Variants in PRKCB observed in about 807,000 individuals in gnomAD.
PRKCB encodes protein kinase C beta.
Under a neutral mutation model 81.5 loss-of-function variants are expected in PRKCB, and 13 were observed. The ratio of observed to expected loss-of-function variants is 0.16; its 90% CI spans 0.10 to 0.25. The LOEUF (loss-of-function observed/expected upper bound fraction) is 0.25. Ranked by LOEUF, PRKCB falls within the 10% of genes least tolerant of loss-of-function variation. The probability of loss-of-function intolerance (pLI) is 1.00; values close to 1 mark genes in which losing one functional copy is unlikely to be tolerated. For missense variants in PRKCB, 509 were observed against 875.7 expected, an observed-to-expected ratio of 0.58 and a Z score of 5.29; for synonymous variants, 335 against 321.4, an observed-to-expected ratio of 1.04 and a Z score of -0.45.
chr16:24,212,461 C>CTTTTTTT (rs975667798), intron 16 of PRKCB, among the ~76,000 whole-genome samples: 8 of 78,060 alleles, frequency 1.0e-4, no homozygotes, highest in East Asian at 4.5e-4. Flanking sequence ...CTTTTTTTTC[C>CTTTTTTT]TTTTTTTTTT....
At chr16:24,142,882 C>T (rs1966923478) in intron 9 of PRKCB, among the ~76,000 whole-genome samples, 1 of 151,936 alleles carries the variant, frequency 6.6e-6, no homozygotes, top group Non-Finnish European at 1.5e-5. Context: ...AACAGATCAG[C>T]ACCCTGACCC....
chr16:23,967,010 C>G (rs931502213), intron 2 of PRKCB, among the ~76,000 whole-genome samples: 8 of 121,376 alleles, frequency 6.6e-5, no homozygotes, highest in African/African-American at 2.6e-4. Flanking sequence ...GCAGTGGTTT[C>G]CATTTTTTTT....
At chr16:23,997,658 G>A (rs1448554978) in intron 3 of PRKCB, among the ~76,000 whole-genome samples, 2 of 152,196 alleles carry the variant, frequency 1.3e-5, no homozygotes, top group African/African-American at 4.8e-5. Context: ...TGTAACGTAA[G>A]ATGTATTGAC....
intron 2 of PRKCB, among the ~76,000 whole-genome samples, chr16:23,933,819 C>A (rs1359024802): frequency 7.4e-6 from 1 of 135,130 alleles, no homozygotes; most frequent in East Asian, 2.4e-4. Flanking sequence ...CCCATCCATC[C>A]ATCTTCTGTT....
chr16:24,072,312 G>T (rs1966119788), intron 5 of PRKCB, among the ~76,000 whole-genome samples: 1 of 152,126 alleles, frequency 6.6e-6, no homozygotes, highest in Non-Finnish European at 1.5e-5. Context: ...CTGTCACCCA[G>T]GCTGGAGTGC....
rs752903660 is a variant in PRKCB at position 23,837,424 on chromosome 16, G to C, written c.205+18G>C. 2.2e-5 allele frequency: 36 copies of C among 1,605,006 alleles called. No homozygotes were observed. The highest frequency in any genetic ancestry group is 3.0e-5 in the Non-Finnish European group (35 of 1,177,362). On this transcript the variant is annotated intron_variant, in intron 2 of 16. Coordinates refer to ENST00000643927, the MANE Select transcript of PRKCB (RefSeq NM_002738.7). ...GTGCCAAGGTAGGCTCTGGGGCTTT[G>C]GGGATGCTATTTGTGGGAAGAGAGG... is the stretch of plus-strand genomic sequence containing the variant.
At chr16:24,108,830 C>T (rs1387314972) in intron 7 of PRKCB, among the ~76,000 whole-genome samples, 1 of 152,086 alleles carries the variant, frequency 6.6e-6, no homozygotes, top group Admixed American at 6.5e-5. Context: ...CACAAAGCCG[C>T]CATTGTCATC....
At chr16:24,026,509 T>G (rs1965482127) in intron 3 of PRKCB, among the ~76,000 whole-genome samples, 1 of 152,158 alleles carries the variant, frequency 6.6e-6, no homozygotes, top group African/African-American at 2.4e-5. Context: ...CAGAGGCAAC[T>G]TATTATTAGT....
At chr16:24,021,017 T>TTTCTTTCTTTCG (rs1965361949) in intron 3 of PRKCB, among the ~76,000 whole-genome samples, 3 of 133,520 alleles carry the variant, frequency 2.2e-5, no homozygotes, top group Non-Finnish European at 3.3e-5. Context: ...TCTTTCTTTC[T>TTTCTTTCTTTCG]TTCTTTCTTT....
intron 9 of PRKCB, among the ~76,000 whole-genome samples, chr16:24,135,299 C>A (rs924283225): frequency 6.8e-6 from 1 of 146,626 alleles, no homozygotes; most frequent in African/African-American, 2.6e-5. Flanking sequence ...AGGCCCCAGA[C>A]CTCAGTGTCC....
intron 5 of PRKCB, among the ~76,000 whole-genome samples, chr16:24,090,316 T>C (rs910669435): frequency 6.6e-6 from 1 of 152,202 alleles, no homozygotes; most frequent in African/African-American, 2.4e-5. Context: ...TACAGCTTGA[T>C]CCTGGTAGCC....
chr16:24,157,605 C>T (rs1283663056), intron 10 of PRKCB, among the ~76,000 whole-genome samples: 1 of 149,962 alleles, frequency 6.7e-6, no homozygotes, highest in Non-Finnish European at 1.5e-5. Context: ...TCAGGTATGT[C>T]TAATGGACTA....
At chr16:24,199,408 T>TA (rs1286780356) in intron 16 of PRKCB, among the ~76,000 whole-genome samples, 6 of 152,188 alleles carry the variant, frequency 3.9e-5, no homozygotes, top group Non-Finnish European at 7.4e-5. Flanking sequence ...TGTGTGTGTG[T>TA]GTCTGAATGT....
intron 3 of PRKCB, among the ~76,000 whole-genome samples, chr16:24,005,061 G>A (rs1965099503): frequency 6.6e-6 from 1 of 152,152 alleles, no homozygotes; most frequent in Admixed American, 6.5e-5. Flanking sequence ...AATGTTCTGT[G>A]TCTTGACTGG....
intron 2 of PRKCB, among the ~76,000 whole-genome samples, chr16:23,946,696 G>A (rs13335554): frequency 0.036 from 5,496 of 152,136 alleles, 161 homozygotes; most frequent in African/African-American, 0.077. Context: ...AAACTTTAGC[G>A]TGCAGAAGAA....
At chr16:24,199,315 C>A (rs899600604) in intron 16 of PRKCB, among the ~76,000 whole-genome samples, 1 of 152,218 alleles carries the variant, frequency 6.6e-6, no homozygotes, top group African/African-American at 2.4e-5. Context: ...GCTTCAAGTA[C>A]TGCTTTAATG....
intron 5 of PRKCB, among the ~76,000 whole-genome samples, chr16:24,088,895 G>T (rs1357952312): frequency 6.6e-6 from 1 of 152,112 alleles, no homozygotes; most frequent in East Asian, 1.9e-4. Context: ...AGACTGGGGC[G>T]GAGGAGGGGG....
chr16:23,838,496 A>G (rs1962208692), intron 2 of PRKCB, among the ~76,000 whole-genome samples: 5 of 152,198 alleles, frequency 3.3e-5, no homozygotes, highest in Admixed American at 3.3e-4. Context: ...TGGGCTTGGT[A>G]AGATTGAGTT....
rs543797933 is a variant in PRKCB at position 24,133,980 on chromosome 16, C to T, written c.1065+9999C>T. ...ACGTGACCATGGTTCGCTGCAGCTT[C>T]AACCTCCCAGGCTCAAGCAATCCTC... On this transcript the variant is annotated intron_variant, in intron 9 of 16. Transcript: ENST00000643927. Among the ~76,000 whole-genome samples the T allele has an allele frequency of 1.3e-5, 2 of 151,308 alleles. 1 individual carries two copies. Among genetic ancestry groups the T allele is most frequent in the South Asian group, 4.2e-4 (2 of 4,780 alleles).
Sources: gnomAD v4.1 joint callset for allele counts (sites outside exome capture counted in the v4.1 genomes callset) on GRCh38, gnomAD v4.1.1 for gene constraint, MANE v1.5 for transcripts, NCBI Gene and HGNC (gene_info 2026-07-23, HGNC 2026-07-21) for gene names.